AKT1: variants seen among roughly 807,000 people sequenced by gnomAD.
AKT1 encodes RAC-alpha serine/threonine-protein kinase.
A neutral mutation model predicts 63.1 loss-of-function variants in AKT1; 21 were observed. That is an observed-to-expected ratio of 0.33 (90% CI 0.24 to 0.48). The LOEUF (loss-of-function observed/expected upper bound fraction) is 0.48. Among genes scored for constraint, AKT1 ranks in the 20% least tolerant of loss-of-function variants. AKT1 has a pLI of 0.99. For missense variants in AKT1, 382 were observed against 666.0 expected, an observed-to-expected ratio of 0.57 and a Z score of 4.69; for synonymous variants, 257 against 253.1, an observed-to-expected ratio of 1.02 and a Z score of -0.15.
chr14:104,773,578 C>A lies in AKT1; in HGVS notation c.705G>T (p.Leu235=), dbSNP rs769090254. The A allele has an allele frequency of 6.4e-5, 103 of 1,604,272 alleles. No individual in the cohort carries two copies. The highest frequency in any genetic ancestry group is 8.6e-5 in the Non-Finnish European group (101 of 1,176,094). The change falls in exon 10 of 15, where the codon CTG becomes CTT. Residue 235 remains leucine (L), a splice_region_variant and synonymous_variant. Coordinates refer to ENST00000649815, the MANE Select transcript of AKT1 (RefSeq NM_001382430.1). ...FVMEYANGGE[L]FFHLSRERVF... is the part of the protein sequence containing the mutation. The stretch of plus-strand genomic sequence containing the variant: ...CACGCTCCCGGGACAGGTGGAAGAA[C>A]AGCTGCGGGAGGCGCAACCTGAGGC...
At chr14:104,787,065 T>C (rs916248384) in intron 3 of AKT1, among the ~76,000 whole-genome samples, 1 of 150,988 alleles carries the variant, frequency 6.6e-6, no homozygotes, top group Non-Finnish European at 1.5e-5. Flanking sequence ...GCCTGGGGGG[T>C]GTGTGAGCCC....
chr14:104,776,799 T>C, intron 4 of AKT1, 29 bp from the exon 5 acceptor site: 1 of 1,590,958 alleles, frequency 6.3e-7, no homozygotes. Context: ...TCTGTCTGCG[T>C]GCATCCCCCT....
intron 3 of AKT1, among the ~76,000 whole-genome samples, chr14:104,780,421 C>T (rs141986301): frequency 1.5e-3 from 229 of 152,298 alleles, no homozygotes; most frequent in Non-Finnish European, 2.5e-3. Flanking sequence ...CCCACCACAG[C>T]GCCCCTCTCA....
chr14:104,772,062 A>G, intron 13 of AKT1: 1 of 517,280 alleles, frequency 1.9e-6, no homozygotes, highest in Non-Finnish European at 3.5e-6. Flanking sequence ...AGGGAACCCC[A>G]AGGCTGGCAC....
chr14:104,793,877 C>CCT (rs1893752609), intron 1 of AKT1: 1 of 152,254 alleles, frequency 6.6e-6, no homozygotes, highest in Non-Finnish European at 1.5e-5. Context: ...GAGGAGGGTC[C>CCT]TCTCTGGGAC....
chr14:104,778,909 G>A (rs1164915600), intron 4 of AKT1, among the ~76,000 whole-genome samples: 1 of 152,188 alleles, frequency 6.6e-6, no homozygotes, highest in Non-Finnish European at 1.5e-5. Flanking sequence ...AGACCTGCCT[G>A]AGACAGATCC....
At chr14:104,774,301 G>A (rs1418559103) in intron 8 of AKT1, 1 of 437,562 alleles carries the variant, frequency 2.3e-6, no homozygotes, top group Non-Finnish European at 4.3e-6. Flanking sequence ...GGCAGCCCCT[G>A]AGGTGCCAAG....
chr14:104,771,393 C>T (rs1336347942), intron 13 of AKT1: 1 of 231,924 alleles, frequency 4.3e-6, no homozygotes, highest in East Asian at 6.1e-5. Flanking sequence ...CCAGAGAGCC[C>T]CTCAGGTCCC....
intron 6 of AKT1, 143 bp downstream of exon 6, chr14:104,775,509 C>T (rs867586449): frequency 3.9e-5 from 48 of 1,229,534 alleles, no homozygotes; most frequent in Non-Finnish European, 4.9e-5. Context: ...GAAGCAGCTG[C>T]GCCCTACATG....
chr14:104,791,858 G>A (rs1461147818), intron 3 of AKT1, among the ~76,000 whole-genome samples: 1 of 152,248 alleles, frequency 6.6e-6, no homozygotes, highest in African/African-American at 2.4e-5. Context: ...CTTGGCCAGA[G>A]GACCTGGACC....
intron 2 of AKT1, 89 bp from the exon 3 acceptor site, chr14:104,792,811 G>A (rs1893697528): frequency 2.6e-6 from 2 of 781,332 alleles, no homozygotes; most frequent in African/African-American, 1.7e-5. Flanking sequence ...CACTGCACGT[G>A]CCTGGGGGCT....
At chr14:104,776,177 T>G in intron 5 of AKT1, 1 of 231,926 alleles carries the variant, frequency 4.3e-6, no homozygotes, top group Non-Finnish European at 8.6e-6. Flanking sequence ...AGACGGAGTC[T>G]TGCTCTATCG....
chr14:104,779,909 A>T (rs2140947042), intron 4 of AKT1, among the ~76,000 whole-genome samples, 179 bp downstream of exon 4: 2 of 145,420 alleles, frequency 1.4e-5, no homozygotes, highest in South Asian at 2.2e-4. Context: ...CTCAGCCCGG[A>T]GACCCCTGCC....
chr14:104,773,010 A>T lies in AKT1; in HGVS notation c.1040T>A (p.Leu347Gln), dbSNP rs2140901733. The change falls in exon 12 of 15, where the codon CTG (leucine) becomes CAG (glutamine). Residue 347 changes from leucine to glutamine, a missense_variant. By Grantham distance (113) the Leu-to-Gln change is moderately radical. Coordinates refer to ENST00000649815, the MANE Select transcript of AKT1 (RefSeq NM_001382430.1). Reference sequence around the variant, plus strand: ...CTCATGGTCCTGGTTGTAGAAGGGCAGGCGACCGCACATCATCTCGTACAT... The same window carrying T: ...CTCATGGTCCTGGTTGTAGAAGGGCTGGCGACCGCACATCATCTCGTACAT... ...VVMYEMMCGR[L>Q]PFYNQDHEKL... is the part of the protein sequence containing the mutation. The T allele has an allele frequency of 6.2e-7, 1 of 1,614,184 alleles. No individual in the cohort carries two copies. Among genetic ancestry groups the T allele is most frequent in the East Asian group, 2.2e-5 (1 of 44,888 alleles).
chr14:104,781,189 AGG>A (rs1893019329), intron 3 of AKT1, among the ~76,000 whole-genome samples: 1 of 151,488 alleles, frequency 6.6e-6, no homozygotes, highest in African/African-American at 2.4e-5. Flanking sequence ...TTTGAACAAC[AGG>A]GAACTTACTA....
At chr14:104,770,902 ACC>A in intron 13 of AKT1, 55 bp from the exon 14 acceptor site, 1 of 1,523,850 alleles carries the variant, frequency 6.6e-7, no homozygotes, top group Non-Finnish European at 9.0e-7. Context: ...CTCCCAGCAC[ACC>A]CTCAAGTGTG....
chr14:104,789,061 G>A (rs369154706), intron 3 of AKT1, among the ~76,000 whole-genome samples: 7 of 152,340 alleles, frequency 4.6e-5, no homozygotes, highest in Middle Eastern at 3.4e-3. Context: ...CCGCCCACTC[G>A]GCCTTGGCCT....
Position 104,772,993 on chromosome 14 carries a change from C to A in AKT1, c.1057G>T (p.Asp353Tyr). ...ATGAGCTCAAAAAGCTTCTCATGGT[C>A]CTGGTTGTAGAAGGGCAGGCGACCG... ...MCGRLPFYNQ[D>Y]HEKLFELILM... is the part of the protein sequence containing the mutation. The change falls in exon 12 of 15, where the codon GAC becomes TAC. Residue 353 changes from aspartate to tyrosine, a missense_variant. Transcript: ENST00000649815. 6.2e-7 allele frequency: 1 copy of A among 1,614,154 alleles called. No homozygotes were observed. The highest frequency in any genetic ancestry group is 1.3e-5 in the African/African-American group (1 of 75,030).
intron 8 of AKT1, chr14:104,774,205 TCACACTGCCCCCATGC>T (rs1347939068): frequency 2.3e-5 from 12 of 511,008 alleles, no homozygotes; most frequent in Non-Finnish European, 3.9e-5. Flanking sequence ...CACCCCCACA[TCACACTGCCCCCATGC>T]CACGCTGCCC....
Sources: allele counts gnomAD v4.1 joint callset (sites outside exome capture counted in the v4.1 genomes callset), GRCh38; gene constraint gnomAD v4.1.1; transcripts MANE v1.5; gene names NCBI Gene and HGNC (gene_info 2026-07-23, HGNC 2026-07-21).